EPB41: variants seen among roughly 807,000 people sequenced by gnomAD.
EPB41 encodes the protein erythrocyte membrane protein band 4.1, also known as protein 4.1.
A neutral mutation model predicts 108.0 loss-of-function variants in EPB41; 65 were observed. The ratio of observed to expected loss-of-function variants is 0.60; its 90% CI spans 0.49 to 0.74. EPB41 has a LOEUF of 0.74. Among genes scored for constraint, EPB41 ranks in the 30% least tolerant of loss-of-function variants. The pLI is 0.00. For synonymous variants in EPB41, 336 were observed against 358.9 expected (o/e 0.94, Z 0.72); for missense variants, 875 against 1,037.0 (o/e 0.84, Z 2.15).
chr1:29,007,189 T>C (rs1306842624), intron 4 of EPB41, among the ~76,000 whole-genome samples: 3 of 152,024 alleles, frequency 2.0e-5, no homozygotes, highest in Non-Finnish European at 4.4e-5. Context: ...CCTCCCTGGC[T>C]CAAGCGATCC....
intron 7 of EPB41, among the ~76,000 whole-genome samples, chr1:29,022,456 C>T (rs2150128453): frequency 6.6e-6 from 1 of 151,560 alleles, no homozygotes; most frequent in East Asian, 1.9e-4. Flanking sequence ...GGCGCAGTGG[C>T]TCATGCCTGT....
At chr1:29,102,493 G>A (rs1225855932) in intron 17 of EPB41, among the ~76,000 whole-genome samples, 3 of 152,106 alleles carry the variant, frequency 2.0e-5, no homozygotes, top group Admixed American at 6.6e-5. Flanking sequence ...TGCAGGACTC[G>A]GGTCAGGAGT....
chr1:28,989,915 C>A (rs2095966729), intron 2 of EPB41, among the ~76,000 whole-genome samples: 1 of 151,986 alleles, frequency 6.6e-6, no homozygotes, highest in African/African-American at 2.4e-5. Flanking sequence ...GGCAAAGAAA[C>A]CATTCATATC....
intron 1 of EPB41, among the ~76,000 whole-genome samples, chr1:28,944,534 G>GTTTTTTTTTTTTT (rs55849161): frequency 3.1e-5 from 3 of 97,400 alleles, no homozygotes; most frequent in African/African-American, 8.3e-5. Flanking sequence ...CTCAGATCTG[G>GTTTTTTTTTTTTT]TTTTTTTTTT....
chr1:28,951,398 AT>A (rs1175906256), intron 1 of EPB41, among the ~76,000 whole-genome samples: 14 of 147,060 alleles, frequency 9.5e-5, no homozygotes, highest in African/African-American at 3.3e-4. Context: ...ACACACACAA[AT>A]GTGATGTGTG....
At chr1:28,963,182 A>G (rs2095267658) in intron 1 of EPB41, among the ~76,000 whole-genome samples, 1 of 152,214 alleles carries the variant, frequency 6.6e-6, no homozygotes, top group Non-Finnish European at 1.5e-5. Context: ...ATAAAAAGCA[A>G]TAACAAAAAC....
chr1:29,086,449 T>A (rs943918827), intron 16 of EPB41, among the ~76,000 whole-genome samples: 2 of 152,004 alleles, frequency 1.3e-5, no homozygotes, highest in Admixed American at 1.3e-4. Context: ...AATTTTTGTA[T>A]TTTTAGTAGA....
chr1:28,954,320 C>T (rs186957788), intron 1 of EPB41, among the ~76,000 whole-genome samples: 2 of 152,300 alleles, frequency 1.3e-5, no homozygotes, highest in African/African-American at 4.8e-5. Context: ...CTATTGGCAC[C>T]TGTCCTGGAA....
At chr1:29,019,221 G>A (rs543536365) in intron 7 of EPB41, among the ~76,000 whole-genome samples, 11 of 152,120 alleles carry the variant, frequency 7.2e-5, no homozygotes, top group Non-Finnish European at 1.2e-4. Context: ...TTTGGGACCA[G>A]CCTGGGCAAC....
At chr1:28,955,799 A>G (rs1467093614) in intron 1 of EPB41, among the ~76,000 whole-genome samples, 2 of 152,222 alleles carry the variant, frequency 1.3e-5, no homozygotes, top group African/African-American at 4.8e-5. Flanking sequence ...AATGGAGAAT[A>G]GGATCCACAG....
chr1:28,917,668 A>G (rs2092782279), intron 1 of EPB41, among the ~76,000 whole-genome samples: 2 of 149,682 alleles, frequency 1.3e-5, no homozygotes. Context: ...GCCGCCTTGA[A>G]CTCCTGGGTT....
In EPB41 at chr1:29,018,343, C is replaced by T; in HGVS notation, c.1025C>T (p.Pro342Leu). The change falls in exon 7 of 21, where the codon CCA becomes CTA. Residue 342 changes from proline to leucine, a missense_variant. Physicochemically the swap from Pro to Leu is moderately conservative, Grantham distance 98. Coordinates refer to ENST00000343067, the MANE Select transcript of EPB41 (RefSeq NM_001376013.1). This position sits in a 1 kb window ranked among gnomAD's most constrained non-coding sequence, Gnocchi z 4.4. Reference protein sequence around the residue: ...TIQSELGDYDPELHGVDYVSD... With the variant: ...TIQSELGDYDLELHGVDYVSD... ...CAGTCTGAACTGGGAGACTACGACC[C>T]AGAACTCCATGGCGTGGATTATGTT... 1 of 1,614,080 alleles carries T rather than the reference C, an allele frequency of 6.2e-7. No individual in the cohort carries two copies. The highest frequency in any genetic ancestry group is 8.5e-7 in the Non-Finnish European group (1 of 1,180,024).
At position 29,117,556 on chromosome 1, in the gene EPB41, G is replaced by A. The variant is rs1671214190; in HGVS notation, c.*744G>A. 1 of 152,640 alleles carries A rather than the reference G, an allele frequency of 6.6e-6. No individual in the cohort carries two copies. Among genetic ancestry groups the A allele is most frequent in the Non-Finnish European group, 1.5e-5 (1 of 68,070 alleles). 9.5% of individuals were successfully genotyped at this position (152,640 alleles called of 1,614,324 possible). On this transcript the variant is annotated 3_prime_UTR_variant, in exon 21 of 21. Coordinates refer to ENST00000343067, the MANE Select transcript of EPB41 (RefSeq NM_001376013.1). ...CATATCCGTGGCCTTCACCTCTCCA[G>A]CTACCCTTTTACCTCATCAGAAGCA...
At chr1:28,915,583 G>A (rs962538967) in intron 1 of EPB41, among the ~76,000 whole-genome samples, 7 of 152,268 alleles carry the variant, frequency 4.6e-5, no homozygotes, top group African/African-American at 1.7e-4. Flanking sequence ...ACTGGTTTCT[G>A]GCCACATGAT....
rs534379114 is a variant in EPB41 at position 28,896,646 on chromosome 1, C to T, written c.-8+9436C>T. ...AGCATGTGCCAAGGTACACAACTGC[C>T]TGCACTTGGGGGAATGCAGCTGAAG... On this transcript the variant is annotated intron_variant, in intron 1 of 16. Coordinates refer to the EPB41 transcript ENST00000347529. 3.9e-5 allele frequency among the ~76,000 whole-genome samples: 6 copies of T among 152,330 alleles called. No homozygotes were observed. In the East Asian group the frequency reaches 7.7e-4, roughly 20 times the overall value.
chr1:28,966,265 G>A (rs2095355060), intron 1 of EPB41, among the ~76,000 whole-genome samples: 1 of 151,982 alleles, frequency 6.6e-6, no homozygotes, highest in Non-Finnish European at 1.5e-5. Flanking sequence ...TAGTACCTTG[G>A]ATATGTAAGT....
rs2089995535 is a variant in EPB41 at position 28,890,439 on chromosome 1, T to C, written c.-8+3229T>C. ...TCAGTTTCCCTTTCTGTGAAATGAGTAGGGGAGATAAGTCTAAAGTCTCTA... is the reference window on the plus strand; with the variant it reads ...TCAGTTTCCCTTTCTGTGAAATGAGCAGGGGAGATAAGTCTAAAGTCTCTA... On this transcript the variant is annotated intron_variant, in intron 1 of 16. Coordinates refer to the EPB41 transcript ENST00000347529. Among the ~76,000 whole-genome samples the C allele has an allele frequency of 2.6e-5, 4 of 152,202 alleles. 1 individual carries two copies. The South Asian group carries it at 8.3e-4, about 32-fold the overall frequency.
chr1:28,915,553 GTGAAACAGA>G (rs1006307709), intron 1 of EPB41, among the ~76,000 whole-genome samples: 5 of 152,064 alleles, frequency 3.3e-5, no homozygotes, highest in African/African-American at 1.2e-4. Context: ...GTGATCTCAC[GTGAAACAGA>G]TTGCTGATGG....
intron 1 of EPB41, among the ~76,000 whole-genome samples, chr1:28,984,957 C>T (rs1411533972): frequency 6.6e-6 from 1 of 151,934 alleles, no homozygotes. Context: ...CCATGCCCAG[C>T]CCCCAAAAAC....
Sources: gnomAD v4.1 joint callset for allele counts (sites outside exome capture counted in the v4.1 genomes callset) on GRCh38, gnomAD v4.1.1 for gene constraint, Gnocchi (gnomAD v3.1) non-coding constraint, MANE v1.5 for transcripts, NCBI Gene and HGNC (gene_info 2026-07-23, HGNC 2026-07-21) for gene names.